The following PAPOLG variants were observed in gnomAD, a reference collection of about 807,000 sequenced individuals.
PAPOLG encodes PAP-gamma.
In PAPOLG, 40 loss-of-function variants were observed where a neutral mutation model predicts 99.0. That is an observed-to-expected ratio of 0.40 (90% CI 0.31 to 0.53). PAPOLG has a LOEUF of 0.53. Among genes scored for constraint, PAPOLG ranks in the 20% least tolerant of loss-of-function variants. The pLI, the probability that PAPOLG is intolerant of heterozygous loss-of-function variation, is 0.41. For missense variants in PAPOLG, 675 were observed against 884.1 expected (o/e 0.76, Z 3.00); for synonymous variants, 310 against 299.3 (o/e 1.04, Z -0.37).
At chr2:60,771,428 C>T (rs1319223232) in intron 6 of PAPOLG, 91 bp from the exon 7 acceptor site, 1 of 1,430,958 alleles carries the variant, frequency 7.0e-7, no homozygotes, top group Non-Finnish European at 9.2e-7. Flanking sequence ...AACTCATAAC[C>T]AGAGCTTTTC....
In PAPOLG at chr2:60,802,050, T is replaced by A. The variant is rs911437799; in HGVS notation, c.*4890T>A. 8 of 152,342 alleles carry A rather than the reference T, an allele frequency of 5.3e-5. No individual in the cohort carries two copies. 9.4% of individuals were successfully genotyped at this position (152,342 alleles called of 1,614,324 possible). Reference sequence around the variant, plus strand: ...GTACACATGAACCTCATTATTTGCCTGGAATAAGTAATCAAATAAAATTGC... The same window carrying A: ...GTACACATGAACCTCATTATTTGCCAGGAATAAGTAATCAAATAAAATTGC... On this transcript the variant is annotated 3_prime_UTR_variant, in exon 22 of 22. Coordinates refer to ENST00000238714, the MANE Select transcript of PAPOLG (RefSeq NM_022894.4).
At chr2:60,777,860 T>C (rs1261251912) in intron 8 of PAPOLG, among the ~76,000 whole-genome samples, 1 of 152,196 alleles carries the variant, frequency 6.6e-6, no homozygotes, top group South Asian at 2.1e-4. Flanking sequence ...CACCGTCTTA[T>C]ATGGGCTCAG....
In PAPOLG at chr2:60,779,619, A is replaced by C. The variant is rs187131165; in HGVS notation, c.695-18A>C. The C allele has an allele frequency of 6.3e-6, 10 of 1,599,152 alleles. No individual in the cohort carries two copies. In the African/African-American group the frequency reaches 1.3e-4, roughly 21 times the overall value. Reference sequence around the variant, plus strand: ...TAGTAGGTCCTAATAATAATTAACAAATATATTGATTTTCTAGGACGTGGT... The same window carrying C: ...TAGTAGGTCCTAATAATAATTAACACATATATTGATTTTCTAGGACGTGGT... On this transcript the variant is annotated intron_variant, in intron 8 of 21. Transcript: ENST00000238714.
At chr2:60,766,271 A>G (rs1670671704) in intron 3 of PAPOLG, among the ~76,000 whole-genome samples, 1 of 152,210 alleles carries the variant, frequency 6.6e-6, no homozygotes, top group African/African-American at 2.4e-5. Context: ...AATGGCAGAA[A>G]GCACAGAGGA....
chr2:60,768,212 C>T (rs998439514), intron 3 of PAPOLG, among the ~76,000 whole-genome samples: 6 of 152,182 alleles, frequency 3.9e-5, no homozygotes, highest in Non-Finnish European at 5.9e-5. Flanking sequence ...AGTGATTCTC[C>T]TGCCTCAGCC....
chr2:60,783,237 CTACT>C, intron 13 of PAPOLG, 28 bp downstream of exon 13: 1 of 1,435,954 alleles, frequency 7.0e-7, no homozygotes, highest in Non-Finnish European at 9.6e-7. Flanking sequence ...AGTTTTCTAC[CTACT>C]GTGTGGTGAT....
chr2:60,770,401 A>G, intron 5 of PAPOLG, 57 bp from the exon 6 acceptor site: 1 of 1,413,176 alleles, frequency 7.1e-7, no homozygotes, highest in Non-Finnish European at 9.6e-7. Flanking sequence ...ATTGGTAGTT[A>G]GGAAGGATAA....
chr2:60,790,607 G>A (rs1671502125), intron 15 of PAPOLG, among the ~76,000 whole-genome samples: 1 of 152,232 alleles, frequency 6.6e-6, no homozygotes, highest in Non-Finnish European at 1.5e-5. Flanking sequence ...ATCTAGGGCT[G>A]TGTGGATTCT....
At position 60,798,573 on chromosome 2, in the gene PAPOLG, C is replaced by T. The variant is rs1456074503; in HGVS notation, c.*1413C>T. The T allele has an allele frequency of 6.6e-6, 1 of 152,294 alleles. No individual in the cohort carries two copies. Among genetic ancestry groups the T allele is most frequent in the African/African-American group, 2.4e-5 (1 of 41,418 alleles). The allele number at this position is 152,294 out of a possible 1,614,324, so 9.4% of individuals were successfully genotyped here. A position where few individuals can be genotyped will look rare whatever the true frequency, so the allele number is the denominator to read the frequency against. ...CACAGCCAGGAATGCTAGTATCTAC[C>T]ACCTTCTTTAGATTTCACTCAGCAT... On this transcript the variant is annotated 3_prime_UTR_variant, in exon 22 of 22. Coordinates refer to ENST00000238714, the MANE Select transcript of PAPOLG (RefSeq NM_022894.4).
Position 60,787,574 on chromosome 2 carries a change from T to A in PAPOLG, c.1350T>A (p.Ser450Arg), listed in dbSNP as rs1671402988. Reference sequence around the variant, plus strand: ...TTCGGAGAGTAGAAAATGCAGAAAGTGTCAACATAGACTTGACATATGATA... The same window carrying A: ...TTCGGAGAGTAGAAAATGCAGAAAGAGTCAACATAGACTTGACATATGATA... The part of the protein sequence containing the change: ...IIFRRVENAE[S>R]VNIDLTYDIQ... The change falls in exon 15 of 22, where the codon AGT becomes AGA. Residue 450 changes from serine to arginine, a missense_variant. Transcript: ENST00000238714. The A allele has an allele frequency of 6.2e-7, 1 of 1,614,172 alleles. No homozygotes were observed. The highest frequency in any genetic ancestry group is 8.5e-7 in the Non-Finnish European group (1 of 1,180,012).
intron 21 of PAPOLG, among the ~76,000 whole-genome samples, chr2:60,796,436 G>A (rs984105369): frequency 5.3e-5 from 8 of 151,766 alleles, no homozygotes; most frequent in African/African-American, 1.9e-4. Context: ...ACCATGCCCG[G>A]CCCTAGATTT....
chr2:60,756,839 C>G (rs1402252766), intron 1 of PAPOLG, among the ~76,000 whole-genome samples: 1 of 152,198 alleles, frequency 6.6e-6, no homozygotes, highest in Non-Finnish European at 1.5e-5. Flanking sequence ...CTGCTCCTGT[C>G]TGCATTGGCG....
intron 7 of PAPOLG, among the ~76,000 whole-genome samples, chr2:60,772,403 C>T (rs1026744911): frequency 4.7e-5 from 7 of 150,268 alleles, no homozygotes; most frequent in Non-Finnish European, 1.0e-4. Flanking sequence ...GCCGTGATTA[C>T]GCCACTGCAC....
intron 1 of PAPOLG, 120 bp from the exon 2 acceptor site, chr2:60,760,014 G>C: frequency 9.8e-7 from 1 of 1,017,226 alleles, no homozygotes; most frequent in Non-Finnish European, 1.4e-6. Context: ...TGCCACTACT[G>C]TTATTACTAA....
chr2:60,796,650 T>A (rs888829916), intron 21 of PAPOLG, among the ~76,000 whole-genome samples: 8 of 152,090 alleles, frequency 5.3e-5, no homozygotes, highest in Non-Finnish European at 1.0e-4. Flanking sequence ...GATATTAAAT[T>A]TTTCTCTACT....
intron 21 of PAPOLG, 32 bp downstream of exon 21, chr2:60,795,052 A>G (rs1399842414): frequency 6.4e-7 from 1 of 1,553,256 alleles, no homozygotes; most frequent in South Asian, 1.1e-5. Flanking sequence ...TAGGTACAGT[A>G]CATAGGTAAA....
In PAPOLG at chr2:60,800,458, CAGGCATA is replaced by C. The variant is rs918959816; in HGVS notation, c.*3301_*3307del. The stretch of plus-strand genomic sequence containing the variant: ...TCGGCCACCCTAAGTGCTGGGATTA[CAGGCATA>C]AGCTACTGTGCCCAGCCAGGAGAAT... On this transcript the variant is annotated 3_prime_UTR_variant, in exon 22 of 22. Transcript: ENST00000238714. 1 of 152,344 alleles carries C rather than the reference CAGGCATA, an allele frequency of 6.6e-6. No individual in the cohort carries two copies. The highest frequency in any genetic ancestry group is 1.5e-5 in the Non-Finnish European group (1 of 68,040). 9.4% of individuals were successfully genotyped at this position (152,344 alleles called of 1,614,324 possible).
At chr2:60,770,905 G>A (rs2103778093) in intron 6 of PAPOLG, among the ~76,000 whole-genome samples, 1 of 152,298 alleles carries the variant, frequency 6.6e-6, no homozygotes, top group East Asian at 1.9e-4. Context: ...TTACAGGCAT[G>A]AGCCACCGCG....
intron 8 of PAPOLG, among the ~76,000 whole-genome samples, chr2:60,778,021 T>C (rs1671073209): frequency 6.6e-6 from 1 of 152,228 alleles, no homozygotes; most frequent in African/African-American, 2.4e-5. Context: ...CTTATGCTCT[T>C]GGAAAAATGG....
Sources: allele counts gnomAD v4.1 joint callset (sites outside exome capture counted in the v4.1 genomes callset), GRCh38; gene constraint gnomAD v4.1.1; transcripts MANE v1.5; gene names NCBI Gene and HGNC (gene_info 2026-07-23, HGNC 2026-07-21).